Variants in NBEAL2 observed in about 807,000 individuals in gnomAD.
NBEAL2 encodes neurobeachin-like protein 2.
In NBEAL2, 160 loss-of-function variants were observed where a neutral mutation model predicts 299.8. The ratio of observed to expected loss-of-function variants is 0.53; its 90% confidence interval spans 0.47 to 0.61. NBEAL2 has a LOEUF of 0.61. Ranked by LOEUF, NBEAL2 falls within the 20% of genes least tolerant of loss-of-function variation. NBEAL2 has a pLI of 0.00. For synonymous variants in NBEAL2, 1,493 were observed against 1,542.3 expected (o/e 0.97, Z 0.75); for missense variants, 3,112 against 3,649.0 (o/e 0.85, Z 3.79).
At position 47,003,319 on chromosome 3, in the gene NBEAL2, G is replaced by C. The variant is rs764034346; in HGVS notation, c.5720+10G>C. The C allele has an allele frequency of 6.2e-7, 1 of 1,609,944 alleles. No homozygotes were observed. The highest frequency in any genetic ancestry group is 1.1e-5 in the South Asian group (1 of 90,746). On this transcript the variant is annotated intron_variant, in intron 35 of 53. Transcript: ENST00000450053. This position sits in a 1 kb window ranked among gnomAD's most constrained non-coding sequence, Gnocchi z 7.0. The stretch of plus-strand genomic sequence containing the variant: ...CTGAGCTGGAGACCCCGTGAGTGGG[G>C]CCCTGGAGAGATTGGACTGGTGTGG...
chr3:47,003,981 G>C lies in NBEAL2; in HGVS notation c.5881+5G>C. ...AGCGCGTGGAAACCGAGGAGGGTGC[G>C]TCCTGGTGGTGTGGTTTAGGAGGAT... On this transcript the variant is annotated splice_donor_5th_base_variant and intron_variant, in intron 36 of 53. Coordinates refer to ENST00000450053, the MANE Select transcript of NBEAL2 (RefSeq NM_015175.3). The surrounding 1 kb of genome is among the most constrained non-coding windows in gnomAD (Gnocchi z 7.0). 1 of 1,612,554 alleles carries C rather than the reference G, an allele frequency of 6.2e-7. No individual in the cohort carries two copies. Among genetic ancestry groups the C allele is most frequent in the Non-Finnish European group, 8.5e-7 (1 of 1,178,912 alleles).
rs1420197440 is a variant in NBEAL2 at position 46,982,026 on chromosome 3, G to A, written c.51+2114G>A. On this transcript the variant is annotated intron_variant, in intron 1 of 53. Coordinates refer to ENST00000450053, the MANE Select transcript of NBEAL2 (RefSeq NM_015175.3). This position sits in a 1 kb window ranked among gnomAD's most constrained non-coding sequence, Gnocchi z 4.2. The stretch of plus-strand genomic sequence containing the variant: ...CCTGGGGCCAGGCAAACAAATCCAG[G>A]ATGTAACAGCAAACCCCCAAGCCAG... The A allele has an allele frequency of 2.0e-5, 3 of 152,306 alleles. No homozygotes were observed. Among genetic ancestry groups the A allele is most frequent in the African/African-American group, 7.2e-5 (3 of 41,438 alleles). The allele number at this position is 152,306 out of a possible 1,614,324, so 9.4% of individuals were successfully genotyped here.
At chr3:46,980,610 T>A (rs973272673) in intron 1 of NBEAL2, among the ~76,000 whole-genome samples, 1 of 151,946 alleles carries the variant, frequency 6.6e-6, no homozygotes, top group Non-Finnish European at 1.5e-5. Flanking sequence ...CCCTGAGGGA[T>A]GTCTGAAAAG....
Position 46,996,813 on chromosome 3 carries a change from C to T in NBEAL2, c.2536C>T (p.Leu846Phe), listed in dbSNP as rs1339836777. The change falls in exon 17 of 54, where the codon CTC becomes TTC. Residue 846 changes from leucine (L) to phenylalanine (F), a missense_variant. Leu to Phe is a conservative substitution (Grantham distance 22). Around this residue, in one of 3 missense-constraint regions of NBEAL2, gnomAD observed 2,243 missense variants for 2,538.1 expected, o/e 0.88. Transcript: ENST00000450053. ...GELHELSTRL[L>F]LHYSPQACKN... ...GCTGCATGAGCTCAGCACCAGGCTG[C>T]TCCTCCATTACTCACCTCAGGTATT... The T allele has an allele frequency of 6.2e-7, 1 of 1,612,738 alleles. No homozygotes were observed. Among genetic ancestry groups the T allele is most frequent in the Non-Finnish European group, 8.5e-7 (1 of 1,179,832 alleles).
At position 46,982,297 on chromosome 3, in the gene NBEAL2, C is replaced by T. The variant is rs2035400740; in HGVS notation, c.51+2385C>T. 6.6e-6 allele frequency among the ~76,000 whole-genome samples: 1 copy of T among 152,176 alleles called. No individual in the cohort carries two copies. The highest frequency in any genetic ancestry group is 2.1e-4 in the South Asian group (1 of 4,828). ...CCAGCCACCCAGCCAGCAACACCTG[C>T]ACCCCTCCCTTCAGCAGTGAGAGCT... is the stretch of plus-strand genomic sequence containing the variant. On this transcript the variant is annotated intron_variant, in intron 1 of 53. Transcript: ENST00000450053. This position sits in a 1 kb window ranked among gnomAD's most constrained non-coding sequence, Gnocchi z 4.2.
rs368932208 is a variant in NBEAL2 at position 46,994,527 on chromosome 3, C to T, written c.1270C>T (p.Arg424Trp). ...VLQSHGPPTH[R>W]LLQELLNMAV... ...GCAGAGCCATGGTCCCCCCACCCATCGGCTGTTGCAAGAGCTGCTCAACAT... is the reference window on the plus strand; with the variant it reads ...GCAGAGCCATGGTCCCCCCACCCATTGGCTGTTGCAAGAGCTGCTCAACAT... Residue 424 changes from arginine (R) to tryptophan (W), a missense_variant, in exon 12 of 54, where the codon CGG (arginine) becomes TGG (tryptophan). By Grantham distance (101) the Arg-to-Trp change is moderately radical. Coordinates refer to ENST00000450053, the MANE Select transcript of NBEAL2 (RefSeq NM_015175.3). The T allele has an allele frequency of 1.3e-5, 21 of 1,588,856 alleles. No individual in the cohort carries two copies. Among genetic ancestry groups the T allele is most frequent in the Admixed American group, 1.7e-5 (1 of 58,144 alleles).
At chr3:47,002,836 G>T in intron 33 of NBEAL2, 34 bp downstream of exon 33, 1 of 1,551,956 alleles carries the variant, frequency 6.4e-7, no homozygotes, top group Non-Finnish European at 8.7e-7. Flanking sequence ...CGCTGTGGAG[G>T]GGTGGGGCTT....
chr3:47,001,641 C>G lies in NBEAL2; in HGVS notation c.4645-48C>G. 1 of 1,601,282 alleles carries G rather than the reference C, an allele frequency of 6.2e-7. No homozygotes were observed. Among genetic ancestry groups the G allele is most frequent in the Non-Finnish European group, 8.5e-7 (1 of 1,170,644 alleles). ...TTACTTTGCTCCCTTTCCATGGACTCCTGGCCTCCCCTGGTGATGTCTGTT... is the reference window on the plus strand; with the variant it reads ...TTACTTTGCTCCCTTTCCATGGACTGCTGGCCTCCCCTGGTGATGTCTGTT... On this transcript the variant is annotated intron_variant, in intron 29 of 53. Coordinates refer to ENST00000450053, the MANE Select transcript of NBEAL2 (RefSeq NM_015175.3). This position sits in a 1 kb window ranked among gnomAD's most constrained non-coding sequence, Gnocchi z 6.1.
Position 46,999,715 on chromosome 3 carries a change from G to A in NBEAL2, c.3789G>A (p.Gln1263=), listed in dbSNP as rs1237660327. 6.2e-7 allele frequency: 1 copy of A among 1,613,044 alleles called. No homozygotes were observed. The highest frequency in any genetic ancestry group is 8.5e-7 in the Non-Finnish European group (1 of 1,179,638). Residue 1263 remains glutamine (Q), a splice_region_variant and synonymous_variant, in exon 26 of 54, where the codon CAG becomes CAA. Coordinates refer to ENST00000450053, the MANE Select transcript of NBEAL2 (RefSeq NM_015175.3). Reference sequence around the variant, plus strand: ...GCGTTCGCCTAGACATCTGTCGCCAGGTGAGCATGAGAGGTAAAAGCTTTG... The same window carrying A: ...GCGTTCGCCTAGACATCTGTCGCCAAGTGAGCATGAGAGGTAAAAGCTTTG... ...DLSVRLDICR[Q]LFHLIYGQPD...
In NBEAL2 at chr3:47,009,550, C is replaced by T. The variant is rs1034507150; in HGVS notation, c.*230C>T. On this transcript the variant is annotated 3_prime_UTR_variant, in exon 54 of 54. Coordinates refer to ENST00000450053, the MANE Select transcript of NBEAL2 (RefSeq NM_015175.3). ...CCCTGAGGGCCAGCACTGGCGTCTG[C>T]GGCCGCAGCAGCACTTTTTGCACAG... The T allele has an allele frequency of 1.3e-5, 7 of 554,622 alleles. No individual in the cohort carries two copies. The highest frequency in any genetic ancestry group is 3.3e-5 in the Admixed American group (1 of 30,124). 34.4% of individuals were successfully genotyped at this position (554,622 alleles called of 1,614,324 possible).
At position 46,986,705 on chromosome 3, in the gene NBEAL2, G is replaced by A. The variant is rs73831466; in HGVS notation, c.52-1964G>A. Among the ~76,000 whole-genome samples the A allele has an allele frequency of 2.1e-3, 323 of 152,308 alleles. 3 individuals carry two copies. The highest frequency in any genetic ancestry group is 7.4e-3 in the African/African-American group (308 of 41,564). ...GCCACTGAGGCAAGGATCGGGGCCC[G>A]CATGGTCCTCATGGGCTGGCTTGCT... On this transcript the variant is annotated intron_variant, in intron 1 of 53. Transcript: ENST00000450053.
At chr3:46,980,653 C>A (rs7631423) in intron 1 of NBEAL2, among the ~76,000 whole-genome samples, 86,646 of 152,098 alleles carry the variant, frequency 0.57, 24,870 homozygotes, top group Non-Finnish European at 0.58. Context: ...CTGAGCTCCC[C>A]ACCCATCTCA....
At position 46,991,270 on chromosome 3, in the gene NBEAL2, T is replaced by C; in HGVS notation, c.608T>C (p.Ile203Thr). The change falls in exon 7 of 54, where the codon ATC (isoleucine) becomes ACC (threonine). Residue 203 changes from isoleucine to threonine, a missense_variant. Ile to Thr is a moderately conservative substitution (Grantham distance 89, BLOSUM62 -1). Coordinates refer to ENST00000450053, the MANE Select transcript of NBEAL2 (RefSeq NM_015175.3). This position sits in a 1 kb window ranked among gnomAD's most constrained non-coding sequence, Gnocchi z 6.2. ...HLPPILLLRL[I>T]HLFCAVLAGG... ...CCTCCCATACTGCTGTTACGTCTCA[T>C]CCACCTCTTCTGCGCCGTCCTCGCT... 2 of 1,607,504 alleles carry C rather than the reference T, an allele frequency of 1.2e-6. No homozygotes were observed. Among genetic ancestry groups the C allele is most frequent in the African/African-American group, 1.3e-5 (1 of 74,856 alleles).
chr3:46,989,229 C>T lies in NBEAL2; in HGVS notation c.352-31C>T, dbSNP rs371633541. On this transcript the variant is annotated intron_variant, in intron 4 of 53. Transcript: ENST00000450053. The surrounding 1 kb of genome is among the most constrained non-coding windows in gnomAD (Gnocchi z 5.5). ...GCAGGGAGGCAGGCGGTAGCCATGG[C>T]GGGGCTAACCCTCTCTCCCCACACC... The T allele has an allele frequency of 5.0e-5, 81 of 1,611,998 alleles. No individual in the cohort carries two copies. Among genetic ancestry groups the T allele is most frequent in the African/African-American group, 8.0e-5 (6 of 74,882 alleles).
At position 46,999,475 on chromosome 3, in the gene NBEAL2, G is replaced by A; in HGVS notation, c.3703+1G>A. 3 of 1,579,386 alleles carry A rather than the reference G, an allele frequency of 1.9e-6. No individual in the cohort carries two copies. Among genetic ancestry groups the A allele is most frequent in the Non-Finnish European group, 1.7e-6 (2 of 1,162,428 alleles). ...CTCTACAAGCTGTTCCTGGGGGCAG[G>A]TACAACCTGGTTAAGGCCAAGTGGA... On this transcript the variant is annotated splice_donor_variant, in intron 25 of 53. Coordinates refer to ENST00000450053, the MANE Select transcript of NBEAL2 (RefSeq NM_015175.3). LOFTEE classifies it high-confidence loss of function.
At position 47,004,034 on chromosome 3, in the gene NBEAL2, G is replaced by T; in HGVS notation, c.5882-43G>T. On this transcript the variant is annotated intron_variant, in intron 36 of 53. Transcript: ENST00000450053. The surrounding 1 kb of genome is among the most constrained non-coding windows in gnomAD (Gnocchi z 5.0). ...CAGGGAATGGCTGAGCTCTGGGTGG[G>T]GCTGGGGTGAGTGACTCCCGTACCT... 1 of 1,606,522 alleles carries T rather than the reference G, an allele frequency of 6.2e-7. No individual in the cohort carries two copies. The highest frequency in any genetic ancestry group is 8.5e-7 in the Non-Finnish European group (1 of 1,174,676).
Position 46,990,862 on chromosome 3 carries a change from T to C in NBEAL2, c.557-357T>C, listed in dbSNP as rs573966381. Among the ~76,000 whole-genome samples, 36 of 152,154 alleles carry C rather than the reference T, an allele frequency of 2.4e-4. No homozygotes were observed. In the South Asian group the frequency reaches 6.6e-3, roughly 28 times the overall value. On this transcript the variant is annotated intron_variant, in intron 6 of 53. Transcript: ENST00000450053. ...GTCACAGGGCAGAGGCAGCAAGAGA[T>C]TTGCATCTGAGAAACTAAGCCCTGG... is the stretch of plus-strand genomic sequence containing the variant.
chr3:46,996,717 T>C (rs1266845705), intron 16 of NBEAL2, 34 bp from the exon 17 acceptor site: 1 of 1,601,972 alleles, frequency 6.2e-7, no homozygotes, highest in South Asian at 1.1e-5. Context: ...GCCAGAGGCC[T>C]AGCAAGGTCT....
chr3:47,008,713 C>A lies in NBEAL2; in HGVS notation c.8027+45C>A. ...GTTCATGGCCCCTGAAGGTGGTGGTCATTGGTGTAGGATAAAGGCCCTAGG... is the reference window on the plus strand; with the variant it reads ...GTTCATGGCCCCTGAAGGTGGTGGTAATTGGTGTAGGATAAAGGCCCTAGG... On this transcript the variant is annotated intron_variant, in intron 52 of 53. Transcript: ENST00000450053. The A allele has an allele frequency of 1.9e-6, 3 of 1,609,306 alleles. No homozygotes were observed. The South Asian group carries it at 3.3e-5, about 18-fold the overall frequency.
Sources: allele counts gnomAD v4.1 joint callset (sites outside exome capture counted in the v4.1 genomes callset), GRCh38; gene constraint gnomAD v4.1.1; regional missense constraint gnomAD v4.1.1; non-coding constraint Gnocchi (gnomAD v3.1); transcripts MANE v1.5; gene names NCBI Gene and HGNC (gene_info 2026-07-23, HGNC 2026-07-21).